Variants in NEURL1 observed in about 807,000 individuals in gnomAD.
NEURL1 encodes the protein E3 ubiquitin-protein ligase NEURL1.
A neutral mutation model predicts 41.2 loss-of-function variants in NEURL1; 26 were observed. The observed-to-expected ratio is 0.63, with a 90% CI of 0.46 to 0.87. The LOEUF is 0.87. Among genes scored for constraint, NEURL1 ranks in the 40% least tolerant of loss-of-function variants. The probability of loss-of-function intolerance (pLI) is 0.00; values close to 1 mark genes in which losing one functional copy is unlikely to be tolerated. For synonymous variants in NEURL1, 400 were observed against 402.3 expected, an observed-to-expected ratio of 0.99 and a Z score of 0.07; for missense variants, 761 against 871.1, an observed-to-expected ratio of 0.87 and a Z score of 1.59.
At chr10:103,536,679 A>G (rs2034700962) in intron 1 of NEURL1, among the ~76,000 whole-genome samples, 1 of 152,130 alleles carries the variant, frequency 6.6e-6, no homozygotes, top group African/African-American at 2.4e-5. Context: ...TAGCATTTTT[A>G]ATGGACAATC....
chr10:103,563,597 A>G (rs1305293781), intron 1 of NEURL1, among the ~76,000 whole-genome samples: 1 of 152,136 alleles, frequency 6.6e-6, no homozygotes, highest in African/African-American at 2.4e-5. Flanking sequence ...GGGTTTGGAG[A>G]GGCGCAGATG....
At chr10:103,502,912 CT>C (rs1305520717) in intron 1 of NEURL1, among the ~76,000 whole-genome samples, 3 of 152,242 alleles carry the variant, frequency 2.0e-5, no homozygotes, top group African/African-American at 7.2e-5. Context: ...GAGCCGGTTG[CT>C]TTGGCAACCC....
rs1295645824 is a variant in NEURL1 at position 103,493,819 on chromosome 10, G to A, written c.-569G>A. Among the ~76,000 whole-genome samples the A allele has an allele frequency of 6.6e-6, 1 of 151,856 alleles. No homozygotes were observed. Among genetic ancestry groups the A allele is most frequent in the African/African-American group, 2.4e-5 (1 of 41,398 alleles). On this transcript the variant is annotated 5_prime_UTR_variant, in exon 1 of 6. Coordinates refer to ENST00000369780, the MANE Select transcript of NEURL1 (RefSeq NM_004210.5). ...CGCAGGAGGGACCCGGCGCGGGCGG[G>A]ACCGCGGCGGTCGGGGGACACCAGC...
rs2035166868 is a variant in NEURL1, at chr10:103,556,849, C to T, written c.86-14023C>T. On this transcript the variant is annotated intron_variant, in intron 1 of 5. Transcript: ENST00000369780. The surrounding 1 kb of genome is among the most constrained non-coding windows in gnomAD (Gnocchi z 4.4). Reference sequence around the variant, plus strand: ...GGGCTCTTCTCAGGGCTTGCTGGCCCCGGCGGGGCCTGTTGGCAGAGGGTC... The same window carrying T: ...GGGCTCTTCTCAGGGCTTGCTGGCCTCGGCGGGGCCTGTTGGCAGAGGGTC... Among the ~76,000 whole-genome samples the T allele has an allele frequency of 6.6e-6, 1 of 152,172 alleles. No individual in the cohort carries two copies. The highest frequency in any genetic ancestry group is 2.4e-5 in the African/African-American group (1 of 41,448).
Position 103,556,411 on chromosome 10 carries a change from C to G in NEURL1, c.86-14461C>G, listed in dbSNP as rs1051045612. Among the ~76,000 whole-genome samples, 1 of 152,042 alleles carries G rather than the reference C, an allele frequency of 6.6e-6. No homozygotes were observed. Among genetic ancestry groups the G allele is most frequent in the African/African-American group, 2.4e-5 (1 of 41,372 alleles). ...GACGCACTCCCCTATGTACCCTGCT[C>G]CCTGCTTGGATGGGGTATTAGGAGG... On this transcript the variant is annotated intron_variant, in intron 1 of 5. Transcript: ENST00000369780. This position sits in a 1 kb window ranked among gnomAD's most constrained non-coding sequence, Gnocchi z 4.4.
Position 103,584,563 on chromosome 10 carries a change from T to C in NEURL1, c.677T>C (p.Leu226Pro), listed in dbSNP as rs760486210. 5.1e-4 allele frequency: 718 copies of C among 1,411,306 alleles called. 1 individual carries two copies. The highest frequency in any genetic ancestry group is 6.0e-4 in the Non-Finnish European group (656 of 1,088,852). The allele number at this position is 1,411,306 out of a possible 1,614,324, so 87.4% of individuals were successfully genotyped here. The change falls in exon 4 of 6, where the codon CTG (leucine) becomes CCG (proline). Residue 226 changes from leucine to proline, a missense_variant. By Grantham distance (98) the Leu-to-Pro change is moderately conservative (BLOSUM62 -3). This residue lies in a region of NEURL1 where 114 missense variants were observed against 144.8 expected (regional missense o/e 0.79). Transcript: ENST00000369780. ...LDSELVLPDCLRPRSFTALRR... is the reference protein window; with the variant it reads ...LDSELVLPDCPRPRSFTALRR... Reference sequence around the variant, plus strand: ...AGCGAGCTGGTGCTCCCGGACTGTCTGCGGCCGCGCTCCTTCACCGCCCTG... The same window carrying C: ...AGCGAGCTGGTGCTCCCGGACTGTCCGCGGCCGCGCTCCTTCACCGCCCTG...
At chr10:103,588,619 G>A (rs1030003193) in intron 4 of NEURL1, 8 of 357,264 alleles carry the variant, frequency 2.2e-5, no homozygotes, top group Non-Finnish European at 3.9e-5. Flanking sequence ...GAGGAGAGAA[G>A]GAAGGAGGGA....
Position 103,545,665 on chromosome 10 carries a change from C to T in NEURL1, c.86-25207C>T, listed in dbSNP as rs1262962334. ...GTGGCTGGACTCAAGTCATCTCTCA[C>T]CTTTGCTGTATGAGAACAGCAGTTC... On this transcript the variant is annotated intron_variant, in intron 1 of 5. Transcript: ENST00000369780. This position sits in a 1 kb window ranked among gnomAD's most constrained non-coding sequence, Gnocchi z 4.5. Among the ~76,000 whole-genome samples, 4 of 152,214 alleles carry T rather than the reference C, an allele frequency of 2.6e-5. No individual in the cohort carries two copies. The East Asian group carries it at 7.7e-4, about 29-fold the overall frequency.
chr10:103,535,221 A>G (rs2034665783), intron 1 of NEURL1, among the ~76,000 whole-genome samples: 1 of 152,152 alleles, frequency 6.6e-6, no homozygotes, highest in South Asian at 2.1e-4. Context: ...GGCAAGAAAC[A>G]GCACAGTGAT....
chr10:103,553,827 G>A (rs2035086625), intron 1 of NEURL1, among the ~76,000 whole-genome samples: 1 of 152,166 alleles, frequency 6.6e-6, no homozygotes, highest in Non-Finnish European at 1.5e-5. Context: ...CTTTCCCTGG[G>A]GTCCAAGATC....
At chr10:103,543,561 G>C (rs1289206123) in intron 1 of NEURL1, among the ~76,000 whole-genome samples, 1 of 152,174 alleles carries the variant, frequency 6.6e-6, no homozygotes, top group Non-Finnish European at 1.5e-5. Context: ...GCATTATGGA[G>C]TGACCACCTT....
At chr10:103,571,172 C>G (rs2035535076) in intron 2 of NEURL1, 59 bp downstream of exon 2, 6 of 1,554,268 alleles carry the variant, frequency 3.9e-6, no homozygotes, top group South Asian at 2.3e-5. Flanking sequence ...TCATGGCATC[C>G]CCTGGGCCTC....
chr10:103,520,261 A>G (rs755868467), intron 1 of NEURL1, among the ~76,000 whole-genome samples: 1 of 152,220 alleles, frequency 6.6e-6, no homozygotes, highest in Non-Finnish European at 1.5e-5. Flanking sequence ...TGAGCAATAA[A>G]GCTGTATATT....
chr10:103,532,920 CTTTTTTTTTTTTTTT>C (rs144783148), intron 1 of NEURL1, among the ~76,000 whole-genome samples: 7 of 63,570 alleles, frequency 1.1e-4, no homozygotes, highest in African/African-American at 4.2e-4. Context: ...TTCTCTTCTC[CTTTTTTTTTTTTTTT>C]TTTTTTTTTG....
rs142246980 is a variant in NEURL1 at position 103,571,722 on chromosome 10, C to T, written c.549C>T (p.Asn183=). 24 of 1,614,096 alleles carry T rather than the reference C, an allele frequency of 1.5e-5. No individual in the cohort carries two copies. The Admixed American group carries it at 2.2e-4, about 15-fold the overall frequency. ...AGGGCCGTGTCTTCCACCGCATCAA[C>T]GACTCGGCTGTTATGCTGTTCTTCA... The part of the protein sequence containing the change: ...DKKGRVFHRI[N]DSAVMLFFSG... Residue 183 remains asparagine (N), a synonymous_variant, in exon 3 of 6, where the codon AAC becomes AAT. Coordinates refer to ENST00000369780, the MANE Select transcript of NEURL1 (RefSeq NM_004210.5).
chr10:103,498,374 C>T (rs1048662338), intron 1 of NEURL1, among the ~76,000 whole-genome samples: 1 of 152,136 alleles, frequency 6.6e-6, no homozygotes, highest in East Asian at 1.9e-4. Context: ...CTACAGGCGC[C>T]CGCCACCGCG....
Position 103,589,505 on chromosome 10 carries a change from C to A in NEURL1, c.1340-9C>A, listed in dbSNP as rs1233935362. The A allele has an allele frequency of 6.3e-7, 1 of 1,589,808 alleles. No individual in the cohort carries two copies. The highest frequency in any genetic ancestry group is 1.1e-5 in the South Asian group (1 of 87,340). ...GCTAGTGTGTCCTTCCCTCCCTCCC[C>A]TTTCACAGGCTCCACTATCCTGGCC... is the stretch of plus-strand genomic sequence containing the variant. On this transcript the variant is annotated splice_polypyrimidine_tract_variant and intron_variant, in intron 4 of 5. Transcript: ENST00000369780.
At position 103,582,739 on chromosome 10, in the gene NEURL1, G is replaced by C. The variant is rs111394959; in HGVS notation, c.650-1797G>C. Among the ~76,000 whole-genome samples the C allele has an allele frequency of 1.9e-3, 293 of 152,362 alleles. 1 individual carries two copies. Among genetic ancestry groups the C allele is most frequent in the African/African-American group, 6.8e-3 (283 of 41,592 alleles). The stretch of plus-strand genomic sequence containing the variant: ...GAGAACCCCAGCCATCCTTAACCCA[G>C]TTCCTGAAGAGACAGCACAGATTCT... On this transcript the variant is annotated intron_variant, in intron 3 of 5. Coordinates refer to ENST00000369780, the MANE Select transcript of NEURL1 (RefSeq NM_004210.5).
chr10:103,571,844 C>T (rs748308220), intron 3 of NEURL1, 22 bp downstream of exon 3: 2 of 1,575,008 alleles, frequency 1.3e-6, no homozygotes, highest in Non-Finnish European at 1.7e-6. Flanking sequence ...CCCCTCCGGC[C>T]CCTTGGTGCA....
Sources: gnomAD v4.1 joint callset for allele counts (sites outside exome capture counted in the v4.1 genomes callset) on GRCh38, gnomAD v4.1.1 for gene constraint, gnomAD v4.1.1 regional missense constraint, Gnocchi (gnomAD v3.1) non-coding constraint, MANE v1.5 for transcripts, NCBI Gene and HGNC (gene_info 2026-07-23, HGNC 2026-07-21) for gene names.